PAM: variants seen among roughly 807,000 people sequenced by gnomAD.
PAM encodes peptidylglycine alpha-amidating monooxygenase.
Under a neutral mutation model 122.1 loss-of-function variants are expected in PAM, and 72 were observed. The ratio of observed to expected loss-of-function variants is 0.59; its 90% CI spans 0.49 to 0.72. The LOEUF is 0.72. Ranked by LOEUF, PAM falls within the 30% of genes least tolerant of loss-of-function variation. The pLI is 0.00. For synonymous variants in PAM, 389 were observed against 404.4 expected (o/e 0.96, Z 0.46); for missense variants, 1,106 against 1,183.7 (o/e 0.93, Z 0.96).
chr5:102,908,491 C>G (rs1186941374), intron 4 of PAM, among the ~76,000 whole-genome samples: 1 of 148,292 alleles, frequency 6.7e-6, no homozygotes. Context: ...ACCGCATATT[C>G]TCATTCATAG....
At chr5:102,890,250 G>A (rs930396637) in intron 3 of PAM, among the ~76,000 whole-genome samples, 2 of 151,864 alleles carry the variant, frequency 1.3e-5, no homozygotes, top group Non-Finnish European at 2.9e-5. Context: ...ATTACCAGCA[G>A]AAGGTAATCT....
intron 15 of PAM, chr5:102,974,666 C>T: frequency 2.8e-6 from 1 of 355,056 alleles, no homozygotes; most frequent in Admixed American, 4.5e-5. Flanking sequence ...TATTGGTGAG[C>T]CAGAACTACA....
chr5:102,907,704 G>A (rs1201396350), intron 4 of PAM, among the ~76,000 whole-genome samples: 5 of 151,948 alleles, frequency 3.3e-5, no homozygotes, highest in African/African-American at 1.2e-4. Flanking sequence ...GTTTTGATTT[G>A]CATTTCTCTG....
intron 7 of PAM, among the ~76,000 whole-genome samples, chr5:102,945,499 A>G (rs952858990): frequency 1.3e-5 from 2 of 151,720 alleles, no homozygotes; most frequent in Non-Finnish European, 2.9e-5. Context: ...ATATAAATAT[A>G]TTTTGCTTCC....
chr5:102,942,106 T>C lies in PAM; in HGVS notation c.527-4731T>C, dbSNP rs547197076. On this transcript the variant is annotated intron_variant, in intron 7 of 25. Transcript: ENST00000438793. The stretch of plus-strand genomic sequence containing the variant: ...AACAACATGGCCCAACTGACACAGC[T>C]GACAGCAATCTGTTCCAATGCTAAG... 2.6e-5 allele frequency among the ~76,000 whole-genome samples: 4 copies of C among 152,022 alleles called. No homozygotes were observed. The East Asian group carries it at 7.7e-4, about 29-fold the overall frequency.
chr5:102,775,229 G>T (rs1452537700), intron 1 of PAM, among the ~76,000 whole-genome samples: 2 of 152,032 alleles, frequency 1.3e-5, no homozygotes, highest in Non-Finnish European at 2.9e-5. Context: ...AAGCAAGGTT[G>T]TCAATATGAC....
intron 23 of PAM, among the ~76,000 whole-genome samples, chr5:103,020,442 A>G (rs1783252605): frequency 6.6e-6 from 1 of 152,176 alleles, no homozygotes; most frequent in African/African-American, 2.4e-5. Context: ...ATAAACACAT[A>G]TACAAATAAG....
intron 5 of PAM, among the ~76,000 whole-genome samples, chr5:102,918,478 T>G (rs973029834): frequency 6.6e-6 from 1 of 152,106 alleles, no homozygotes; most frequent in Non-Finnish European, 1.5e-5. Flanking sequence ...AATTTACTAT[T>G]TAAGTAAATT....
chr5:102,830,729 C>T (rs1775191517), intron 1 of PAM, among the ~76,000 whole-genome samples: 1 of 152,170 alleles, frequency 6.6e-6, no homozygotes, highest in African/African-American at 2.4e-5. Context: ...AAGAATGTGG[C>T]CCATGCCTAT....
intron 7 of PAM, among the ~76,000 whole-genome samples, chr5:102,942,710 C>T (rs1010457003): frequency 3.3e-5 from 5 of 150,456 alleles, no homozygotes; most frequent in Non-Finnish European, 7.4e-5. Context: ...GCTGGGGCTA[C>T]AGTCACACGC....
chr5:102,866,045 T>G lies in PAM; in HGVS notation c.-151T>G. ...CCTCGCCGCGGCCAGCTCGCTGCTCTCGCTGGCGGATGGTGTGTGGCCGCC... is the reference window on the plus strand; with the variant it reads ...CCTCGCCGCGGCCAGCTCGCTGCTCGCGCTGGCGGATGGTGTGTGGCCGCC... On this transcript the variant is annotated 5_prime_UTR_variant, in exon 2 of 26. Coordinates refer to ENST00000438793, the MANE Select transcript of PAM (RefSeq NM_001177306.2). 1 of 470,076 alleles carries G rather than the reference T, an allele frequency of 2.1e-6. No homozygotes were observed. The highest frequency in any genetic ancestry group is 3.7e-6 in the Non-Finnish European group (1 of 271,688). 29.1% of individuals were successfully genotyped at this position (470,076 alleles called of 1,614,324 possible). A position where few individuals can be genotyped will look rare whatever the true frequency, so the allele number is the denominator to read the frequency against.
intron 15 of PAM, among the ~76,000 whole-genome samples, chr5:102,983,019 T>TA (rs1247322035): frequency 1.3e-5 from 2 of 152,010 alleles, no homozygotes; most frequent in Non-Finnish European, 2.9e-5. Context: ...AGAGATATTA[T>TA]AAAAAAGAGT....
intron 4 of PAM, among the ~76,000 whole-genome samples, chr5:102,909,713 A>C (rs1233988169): frequency 6.6e-6 from 1 of 151,902 alleles, no homozygotes; most frequent in East Asian, 1.9e-4. Context: ...CAGGCTAAAA[A>C]TGGCTGCTTA....
intron 14 of PAM, among the ~76,000 whole-genome samples, chr5:102,965,767 C>T (rs1207609170): frequency 6.6e-6 from 1 of 151,902 alleles, no homozygotes; most frequent in East Asian, 1.9e-4. Context: ...ACCCCATGAC[C>T]CCAGATAGTT....
At chr5:102,924,433 CAAAAAAAAA>C (rs989089756) in intron 5 of PAM, among the ~76,000 whole-genome samples, 1 of 52,224 alleles carries the variant, frequency 1.9e-5, no homozygotes, top group Non-Finnish European at 4.4e-5. Flanking sequence ...AACTCCGTCT[CAAAAAAAAA>C]AAAAAAAAAC....
At chr5:102,890,111 G>T (rs1794351266) in intron 3 of PAM, among the ~76,000 whole-genome samples, 1 of 151,902 alleles carries the variant, frequency 6.6e-6, no homozygotes. Flanking sequence ...AGGTTTTGCT[G>T]ATTGCATCAC....
intron 1 of PAM, among the ~76,000 whole-genome samples, chr5:102,812,705 A>T (rs1768326894): frequency 6.6e-6 from 1 of 152,154 alleles, no homozygotes; most frequent in Admixed American, 6.5e-5. Flanking sequence ...TTATGTCATT[A>T]TGAGATTGAT....
At chr5:102,889,725 A>T (rs956737157) in intron 3 of PAM, among the ~76,000 whole-genome samples, 14 of 152,010 alleles carry the variant, frequency 9.2e-5, no homozygotes, top group African/African-American at 3.1e-4. Flanking sequence ...TAGGGGAAAA[A>T]GTCTGGCCAA....
intron 3 of PAM, among the ~76,000 whole-genome samples, chr5:102,898,107 G>GA (rs981221934): frequency 6.6e-6 from 1 of 151,492 alleles, no homozygotes; most frequent in African/African-American, 2.4e-5. Context: ...TCTTTTGTCA[G>GA]AAAAATGTAC....
Sources: allele counts gnomAD v4.1 joint callset (sites outside exome capture counted in the v4.1 genomes callset), GRCh38; gene constraint gnomAD v4.1.1; transcripts MANE v1.5; gene names NCBI Gene and HGNC (gene_info 2026-07-23, HGNC 2026-07-21).